The following PTPRD variants were observed in gnomAD, a reference collection of about 807,000 sequenced individuals.
PTPRD encodes protein tyrosine phosphatase receptor type D.
A neutral mutation model predicts 214.5 loss-of-function variants in PTPRD; 34 were observed. The ratio of observed to expected loss-of-function variants is 0.16; its 90% CI spans 0.12 to 0.21. The LOEUF (loss-of-function observed/expected upper bound fraction) is 0.21, where lower values mean the gene tolerates loss of function less well. Among genes scored for constraint, PTPRD ranks in the 10% least tolerant of loss-of-function variants. The probability of loss-of-function intolerance (pLI) is 1.00; values close to 1 mark genes in which losing one functional copy is unlikely to be tolerated. For missense variants in PTPRD, 2,545 were observed against 2,398.7 expected, an observed-to-expected ratio of 1.06 and a Z score of -1.27; for synonymous variants, 1,128 against 845.7, an observed-to-expected ratio of 1.33 and a Z score of -5.79.
intron 3 of PTPRD, among the ~76,000 whole-genome samples, chr9:10,329,945 A>G (rs913877520): frequency 1.3e-5 from 2 of 151,878 alleles, no homozygotes; most frequent in African/African-American, 4.8e-5. Context: ...TATATTTTAA[A>G]TAATACAGAA....
At chr9:8,738,089 A>T (rs7858097) in intron 11 of PTPRD, among the ~76,000 whole-genome samples, 87,148 of 151,994 alleles carry the variant, frequency 0.57, 25,082 homozygotes, top group South Asian at 0.65. Context: ...ATTTTGCTGA[A>T]TTCCAATTAA....
chr9:9,212,970 T>A (rs77471108), intron 9 of PTPRD, among the ~76,000 whole-genome samples: 1 of 152,182 alleles, frequency 6.6e-6, no homozygotes. Context: ...TAAGATTCTA[T>A]AGATTCTAAC....
At chr9:8,422,503 G>A (rs1351609974) in intron 35 of PTPRD, among the ~76,000 whole-genome samples, 1 of 152,134 alleles carries the variant, frequency 6.6e-6, no homozygotes, top group Non-Finnish European at 1.5e-5. Context: ...AACTTGCAGA[G>A]ACTTCAGCCA....
intron 11 of PTPRD, among the ~76,000 whole-genome samples, chr9:8,902,256 C>T (rs1335722687): frequency 6.6e-6 from 1 of 152,022 alleles, no homozygotes; most frequent in Non-Finnish European, 1.5e-5. Flanking sequence ...TCACTGTGAC[C>T]TTAGAGATGA....
chr9:8,735,118 CAATAATTT>C (rs2089869661), intron 11 of PTPRD, among the ~76,000 whole-genome samples: 1 of 148,730 alleles, frequency 6.7e-6, no homozygotes, highest in Non-Finnish European at 1.5e-5. Flanking sequence ...TCCAATAATT[CAATAATTT>C]GGTTTTTTTT....
chr9:10,101,960 A>G (rs994357565), intron 3 of PTPRD, among the ~76,000 whole-genome samples: 3 of 151,724 alleles, frequency 2.0e-5, no homozygotes, highest in Non-Finnish European at 4.4e-5. Flanking sequence ...AAGAAAAGCC[A>G]TATGTCAATT....
At chr9:8,646,797 A>T (rs1174271019) in intron 12 of PTPRD, among the ~76,000 whole-genome samples, 2 of 152,280 alleles carry the variant, frequency 1.3e-5, no homozygotes, top group East Asian at 1.9e-4. Context: ...CTGGTCATCT[A>T]TGAAGTCTTA....
chr9:10,197,113 T>C (rs1425870931), intron 3 of PTPRD, among the ~76,000 whole-genome samples: 2 of 152,094 alleles, frequency 1.3e-5, no homozygotes, highest in African/African-American at 4.8e-5. Flanking sequence ...GGAGTAGAAA[T>C]AAAACTGTGT....
At chr9:10,421,116 T>C (rs2098541472) in intron 2 of PTPRD, among the ~76,000 whole-genome samples, 1 of 151,892 alleles carries the variant, frequency 6.6e-6, no homozygotes, top group Non-Finnish European at 1.5e-5. Flanking sequence ...TAAGAAAGTT[T>C]ACTAATTTGT....
At chr9:9,859,849 G>C (rs534508035) in intron 5 of PTPRD, among the ~76,000 whole-genome samples, 109 of 152,214 alleles carry the variant, frequency 7.2e-4, no homozygotes, top group African/African-American at 2.4e-3. Context: ...GTTTCTTCTT[G>C]TGCCATGTAC....
chr9:8,691,001 G>C (rs2097789099), intron 12 of PTPRD, among the ~76,000 whole-genome samples: 1 of 152,086 alleles, frequency 6.6e-6, no homozygotes, highest in African/African-American at 2.4e-5. Flanking sequence ...ACAAAAGTAA[G>C]CCTCTGAGAA....
intron 7 of PTPRD, among the ~76,000 whole-genome samples, chr9:9,704,451 G>C (rs1052307820): frequency 6.6e-6 from 1 of 152,232 alleles, no homozygotes; most frequent in South Asian, 2.1e-4. Context: ...AATCTGGTTT[G>C]TCATTCCCCA....
chr9:9,379,271 C>G (rs1392052918), intron 9 of PTPRD, among the ~76,000 whole-genome samples: 1 of 149,606 alleles, frequency 6.7e-6, no homozygotes. Flanking sequence ...TTCAATGTCC[C>G]TCTCCCATTT....
At chr9:10,496,737 G>C (rs918619814) in intron 2 of PTPRD, among the ~76,000 whole-genome samples, 2 of 151,900 alleles carry the variant, frequency 1.3e-5, no homozygotes, top group Non-Finnish European at 2.9e-5. Context: ...TATGCTTATT[G>C]GCTGCTTGTA....
intron 3 of PTPRD, among the ~76,000 whole-genome samples, chr9:10,242,700 A>AG (rs397828006): frequency 1.3e-5 from 2 of 148,984 alleles, no homozygotes; most frequent in African/African-American, 4.9e-5. Context: ...TTAAAAAAAA[A>AG]TCTCCGTCTA....
At chr9:10,289,936 G>C (rs951030505) in intron 3 of PTPRD, among the ~76,000 whole-genome samples, 3 of 152,060 alleles carry the variant, frequency 2.0e-5, no homozygotes, top group East Asian at 1.9e-4. Context: ...AGGGTAAAAA[G>C]GGTTATAGTT....
At chr9:10,582,214 A>G (rs1248372046) in intron 2 of PTPRD, among the ~76,000 whole-genome samples, 3 of 152,186 alleles carry the variant, frequency 2.0e-5, no homozygotes, top group Non-Finnish European at 2.9e-5. Context: ...ACTGTTTATC[A>G]ACAAGAAGCA....
chr9:10,377,334 A>T (rs1410039902), intron 2 of PTPRD, among the ~76,000 whole-genome samples: 3 of 151,944 alleles, frequency 2.0e-5, no homozygotes, highest in Admixed American at 6.6e-5. Flanking sequence ...GTACACGAGC[A>T]CAATATGCAG....
chr9:9,734,729 T>A (rs992049880), intron 6 of PTPRD, among the ~76,000 whole-genome samples, 158 bp from the exon 7 acceptor site: 1 of 152,168 alleles, frequency 6.6e-6, no homozygotes, highest in Non-Finnish European at 1.5e-5. Context: ...TGAAAATGTG[T>A]CTTTAACTTA....
Sources: gnomAD v4.1 joint callset for allele counts (sites outside exome capture counted in the v4.1 genomes callset) on GRCh38, gnomAD v4.1.1 for gene constraint, MANE v1.5 for transcripts, NCBI Gene and HGNC (gene_info 2026-07-23, HGNC 2026-07-21) for gene names.